The following CNST variants were observed in gnomAD, a reference collection of about 807,000 sequenced individuals.
CNST encodes the protein consortin, connexin sorting protein.
A neutral mutation model predicts 72.4 loss-of-function variants in CNST; 39 were observed. That is an observed-to-expected ratio of 0.54 (90% CI 0.42 to 0.70). CNST has a LOEUF of 0.70. CNST is among the 30% of genes least tolerant of loss of function. CNST has a pLI of 0.00. For missense variants in CNST, 871 were observed against 868.5 expected, an observed-to-expected ratio of 1.00 and a Z score of -0.04; for synonymous variants, 332 against 320.1, an observed-to-expected ratio of 1.04 and a Z score of -0.40.
intron 6 of CNST, 79 bp from the exon 7 acceptor site, chr1:246,641,670 C>T (rs1164200251): frequency 2.5e-6 from 2 of 789,484 alleles, no homozygotes; most frequent in Admixed American, 4.5e-5. Flanking sequence ...TTTTTATAGC[C>T]ATTTCAGTGA....
rs112957603 is a variant in CNST at position 246,660,849 on chromosome 1, G to A, written c.1972+515G>A. ...TCTAAATCTTTACTTGCTTAAATAAGTGAGCAAGCTGCAAAATTCAACTTG... is the reference window on the plus strand; with the variant it reads ...TCTAAATCTTTACTTGCTTAAATAAATGAGCAAGCTGCAAAATTCAACTTG... On this transcript the variant is annotated intron_variant, in intron 10 of 10. Coordinates refer to ENST00000366513, the MANE Select transcript of CNST (RefSeq NM_152609.3). 1.2e-3 allele frequency among the ~76,000 whole-genome samples: 176 copies of A among 152,272 alleles called. 1 individual carries two copies. Among genetic ancestry groups the A allele is most frequent in the African/African-American group, 4.2e-3 (173 of 41,540 alleles).
intron 4 of CNST, among the ~76,000 whole-genome samples, chr1:246,633,440 CT>C (rs778240524): frequency 1.9e-4 from 26 of 139,088 alleles, no homozygotes; most frequent in Non-Finnish European, 1.1e-4. Context: ...CAGAGGGAGA[CT>C]GTGTCTCAAA....
In CNST at chr1:246,647,263, T is replaced by C; in HGVS notation, c.1062T>C (p.Thr354=). The stretch of plus-strand genomic sequence containing the variant: ...CAGATTCCCCAAGCCTTTCGGTAAC[T>C]GCAGGAAAGGACCACATGGAGGAGC... The part of the protein sequence containing the change: ...VQTDSPSLSV[T]AGKDHMEELL... The change falls in exon 9 of 11, where the codon ACT becomes ACC. Residue 354 remains threonine, a synonymous_variant. Transcript: ENST00000366513. The C allele has an allele frequency of 6.2e-7, 1 of 1,614,150 alleles. No individual in the cohort carries two copies. The highest frequency in any genetic ancestry group is 8.5e-7 in the Non-Finnish European group (1 of 1,180,028).
In CNST at chr1:246,590,859, C is replaced by CTT. The variant is rs373861233; in HGVS notation, c.-51-637_-51-636dup. Among the ~76,000 whole-genome samples the CTT allele has an allele frequency of 6.9e-3, 939 of 135,766 alleles. 17 individuals are homozygous for CTT. The highest frequency in any genetic ancestry group is 0.017 in the African/African-American group (608 of 36,204). 89.1% of individuals were successfully genotyped at this position (135,766 alleles called of 152,430 possible). On this transcript the variant is annotated intron_variant, in intron 1 of 10. Transcript: ENST00000366513. ...AGAGTAGCCTAGAGTTAACCATGGC[C>CTT]TTTTTTTTTTTTTTTTTAAGTGTTC... is the stretch of plus-strand genomic sequence containing the variant.
At chr1:246,585,709 ACAC>A (rs1661127683) in intron 1 of CNST, among the ~76,000 whole-genome samples, 2 of 105,488 alleles carry the variant, frequency 1.9e-5, no homozygotes, top group African/African-American at 3.3e-5. Flanking sequence ...ACACACACAC[ACAC>A]TATATATGTA....
At chr1:246,610,094 A>AAGGCCAGTAG (rs1663204263) in intron 2 of CNST, among the ~76,000 whole-genome samples, 4 of 152,042 alleles carry the variant, frequency 2.6e-5, no homozygotes, top group Non-Finnish European at 5.9e-5. Context: ...TGGCCTGGTC[A>AAGGCCAGTAG]AGATGGTGAA....
At chr1:246,613,700 T>TCCTCCTCTCCCTCTCTCCCTCC (rs1313271564) in intron 2 of CNST, among the ~76,000 whole-genome samples, 1 of 1,242 alleles carries the variant, frequency 8.1e-4, no homozygotes, top group African/African-American at 3.1e-3. Flanking sequence ...TCTCTCCCTC[T>TCCTCCTCTCCCTCTCTCCCTCC]TCCCGTCTCC....
Position 246,608,340 on chromosome 1 carries a change from G to GT in CNST, c.380-13082dup, listed in dbSNP as rs1164860150. Reference sequence around the variant, plus strand: ...GGGCAACAGAGACCCTGTCTTTAACGTTTTTTTAAAAAAGAAGAGGTTTAA... The same window carrying GT: ...GGGCAACAGAGACCCTGTCTTTAACGTTTTTTTTAAAAAAGAAGAGGTTTAA... On this transcript the variant is annotated intron_variant, in intron 2 of 10. Coordinates refer to ENST00000366513, the MANE Select transcript of CNST (RefSeq NM_152609.3). Among the ~76,000 whole-genome samples the GT allele has an allele frequency of 9.2e-5, 14 of 152,094 alleles. No homozygotes were observed. In the East Asian group the frequency reaches 1.9e-3, roughly 21 times the overall value.
At chr1:246,617,685 A>G (rs1373233948) in intron 2 of CNST, among the ~76,000 whole-genome samples, 1 of 152,220 alleles carries the variant, frequency 6.6e-6, no homozygotes, top group Non-Finnish European at 1.5e-5. Flanking sequence ...TATCCATGTC[A>G]TTCTTCCAAC....
In CNST at chr1:246,633,939, A is replaced by C. The variant is rs750833707; in HGVS notation, c.632A>C (p.Lys211Thr). 4 of 1,609,782 alleles carry C rather than the reference A, an allele frequency of 2.5e-6. No homozygotes were observed. The South Asian group carries it at 4.4e-5, about 18-fold the overall frequency. Residue 211 changes from lysine (K) to threonine (T), a missense_variant, in exon 5 of 11, where the codon AAA becomes ACA. By Grantham distance (78) the Lys-to-Thr change is moderately conservative. Transcript: ENST00000366513. Reference sequence around the variant, plus strand: ...TTCTATTCAGATGAGAAAGCAATGAAATTCATTCAGCTAGAACGATTGTAT... The same window carrying C: ...TTCTATTCAGATGAGAAAGCAATGACATTCATTCAGCTAGAACGATTGTAT... The part of the protein sequence containing the change: ...FQEEDYEKAM[K>T]FIQLERLYHE...
Position 246,647,525 on chromosome 1 carries a change from A to C in CNST, c.1324A>C (p.Ile442Leu), listed in dbSNP as rs1316930681. ...GTTGATTTCACCAGGCTGTGACCGT[A>C]TACCTCCTGCATTGATTTCTGAGGG... ...EPLISPGCDR[I>L]PPALISEGKY... The change falls in exon 9 of 11, where the codon ATA (isoleucine) becomes CTA (leucine). Residue 442 changes from isoleucine to leucine, a missense_variant. Coordinates refer to ENST00000366513, the MANE Select transcript of CNST (RefSeq NM_152609.3). 1 of 1,614,192 alleles carries C rather than the reference A, an allele frequency of 6.2e-7. No homozygotes were observed. The highest frequency in any genetic ancestry group is 8.5e-7 in the Non-Finnish European group (1 of 1,180,044).
At chr1:246,652,934 G>A (rs1281019229) in intron 9 of CNST, among the ~76,000 whole-genome samples, 3 of 151,478 alleles carry the variant, frequency 2.0e-5, no homozygotes, top group Non-Finnish European at 4.4e-5. Flanking sequence ...AACCTGGGAG[G>A]CGGAGCTTGC....
At chr1:246,588,530 A>C (rs1174151055) in intron 1 of CNST, among the ~76,000 whole-genome samples, 1 of 152,234 alleles carries the variant, frequency 6.6e-6, no homozygotes, top group African/African-American at 2.4e-5. Context: ...ATATTTGGCT[A>C]CTGTGACACT....
intron 3 of CNST, among the ~76,000 whole-genome samples, chr1:246,625,245 G>A (rs938933669): frequency 1.3e-5 from 2 of 152,020 alleles, no homozygotes; most frequent in Non-Finnish European, 2.9e-5. Flanking sequence ...ATGGCATATT[G>A]CATTCAACTG....
At chr1:246,634,320 G>C (rs1433931483) in intron 5 of CNST, 153 bp from the exon 6 acceptor site, 3 of 573,354 alleles carry the variant, frequency 5.2e-6, no homozygotes, top group Admixed American at 3.5e-5. Flanking sequence ...ATATTGAAAA[G>C]TAATAAGTTA....
intron 1 of CNST, among the ~76,000 whole-genome samples, chr1:246,580,606 G>C (rs1198705177): frequency 2.0e-5 from 3 of 152,014 alleles, no homozygotes; most frequent in African/African-American, 7.3e-5. Context: ...TCAAATATTT[G>C]GTTGGCTTCA....
Position 246,666,824 on chromosome 1 carries a change from A to AG in CNST, c.*920dup, listed in dbSNP as rs1427143650. 1 of 152,242 alleles carries AG rather than the reference A, an allele frequency of 6.6e-6. No homozygotes were observed. Among genetic ancestry groups the AG allele is most frequent in the Non-Finnish European group, 1.5e-5 (1 of 68,048 alleles). 9.4% of individuals were successfully genotyped at this position (152,242 alleles called of 1,614,324 possible). On this transcript the variant is annotated 3_prime_UTR_variant, in exon 11 of 11. Coordinates refer to ENST00000366513, the MANE Select transcript of CNST (RefSeq NM_152609.3). ...CAGAATGCAAACTTAAGTAAGATACAGTTCCCACTGTAGGTGTTTTAATCC... is the reference window on the plus strand; with the variant it reads ...CAGAATGCAAACTTAAGTAAGATACAGGTTCCCACTGTAGGTGTTTTAATCC...
intron 3 of CNST, among the ~76,000 whole-genome samples, chr1:246,625,014 G>A (rs1664325185): frequency 6.6e-6 from 1 of 152,126 alleles, no homozygotes; most frequent in Non-Finnish European, 1.5e-5. Flanking sequence ...ACAGTTGAAA[G>A]TAATTTGCAT....
At chr1:246,646,071 A>C (rs1468333267) in intron 8 of CNST, among the ~76,000 whole-genome samples, 1 of 151,870 alleles carries the variant, frequency 6.6e-6, no homozygotes, top group African/African-American at 2.4e-5. Context: ...CGAGGTCAGG[A>C]GATCTAAACC....
Sources: gnomAD v4.1 joint callset for allele counts (sites outside exome capture counted in the v4.1 genomes callset) on GRCh38, gnomAD v4.1.1 for gene constraint, MANE v1.5 for transcripts, NCBI Gene and HGNC (gene_info 2026-07-23, HGNC 2026-07-21) for gene names.